FHIT: variants seen among roughly 807,000 people sequenced by gnomAD.
FHIT encodes fragile histidine triad diadenosine triphosphatase.
In FHIT, 19 loss-of-function variants were observed where a neutral mutation model predicts 17.9. The ratio of observed to expected loss-of-function variants is 1.06; its 90% confidence interval spans 0.74 to 1.56. The LOEUF is 1.56. FHIT is among the 40% of genes most tolerant of loss of function. The pLI, the probability that FHIT is intolerant of heterozygous loss-of-function variation, is 0.00. For synonymous variants in FHIT, 81 were observed against 69.7 expected (o/e 1.16, Z -0.81); for missense variants, 248 against 189.2 (o/e 1.31, Z -1.82).
At chr3:61,156,377 C>T (rs377010178) in intron 2 of FHIT, among the ~76,000 whole-genome samples, 1 of 152,070 alleles carries the variant, frequency 6.6e-6, no homozygotes, top group South Asian at 2.1e-4. Context: ...GGGGAGATGC[C>T]AAACTAAGGG....
chr3:59,941,313 T>G (rs1283581728), intron 7 of FHIT, among the ~76,000 whole-genome samples: 1 of 152,192 alleles, frequency 6.6e-6, no homozygotes, highest in African/African-American at 2.4e-5. Flanking sequence ...AGACTTCATA[T>G]GAGCCACAAT....
chr3:60,228,290 T>G (rs1704311761), intron 5 of FHIT, among the ~76,000 whole-genome samples: 1 of 152,104 alleles, frequency 6.6e-6, no homozygotes, highest in African/African-American at 2.4e-5. Context: ...AAATTAGTGG[T>G]TGCCAGGGAC....
chr3:60,995,410 G>A (rs1226571376), intron 3 of FHIT, among the ~76,000 whole-genome samples: 1 of 152,136 alleles, frequency 6.6e-6, no homozygotes, highest in Non-Finnish European at 1.5e-5. Context: ...CCATATGAAA[G>A]TTAACGGGGA....
intron 2 of FHIT, among the ~76,000 whole-genome samples, chr3:61,075,947 G>A (rs1430908609): frequency 6.6e-6 from 1 of 152,144 alleles, no homozygotes; most frequent in Non-Finnish European, 1.5e-5. Flanking sequence ...CCTTTACTGA[G>A]TGCTTCCAAT....
chr3:59,818,918 G>A (rs1446828506), intron 8 of FHIT, among the ~76,000 whole-genome samples: 1 of 152,180 alleles, frequency 6.6e-6, no homozygotes, highest in African/African-American at 2.4e-5. Flanking sequence ...TATGACACTA[G>A]CCCTCGGCTT....
chr3:60,442,905 G>T (rs1161743585), intron 5 of FHIT, among the ~76,000 whole-genome samples: 3 of 152,146 alleles, frequency 2.0e-5, no homozygotes, highest in African/African-American at 7.2e-5. Context: ...CTACCCATGA[G>T]CATGGAATGT....
At chr3:60,203,145 G>C (rs116354296) in intron 5 of FHIT, among the ~76,000 whole-genome samples, 2,990 of 152,226 alleles carry the variant, frequency 0.02, 80 homozygotes, top group African/African-American at 0.068. Context: ...AGTTAAGCAA[G>C]ATGCTAACTA....
intron 5 of FHIT, among the ~76,000 whole-genome samples, chr3:60,361,136 C>G (rs537154132): frequency 6.6e-6 from 1 of 152,168 alleles, no homozygotes; most frequent in African/African-American, 2.4e-5. Flanking sequence ...CCACCAAATA[C>G]CAAGTACTGG....
chr3:61,136,221 GC>G (rs1241604553), intron 2 of FHIT, among the ~76,000 whole-genome samples: 1 of 151,080 alleles, frequency 6.6e-6, no homozygotes, highest in Non-Finnish European at 1.5e-5. Context: ...CCGTCACCAC[GC>G]CCCCACCCCC....
At chr3:61,131,439 T>G (rs2036760748) in intron 2 of FHIT, among the ~76,000 whole-genome samples, 1 of 152,210 alleles carries the variant, frequency 6.6e-6, no homozygotes, top group Admixed American at 6.5e-5. Flanking sequence ...CTCAGCACAC[T>G]CAAGTGAAGG....
At chr3:60,248,884 A>T (rs1705542001) in intron 5 of FHIT, among the ~76,000 whole-genome samples, 1 of 152,158 alleles carries the variant, frequency 6.6e-6, no homozygotes, top group African/African-American at 2.4e-5. Context: ...GGAAAGTCAC[A>T]TTTTTATCAT....
In FHIT at chr3:60,107,781, C is replaced by G. The variant is rs115477511; in HGVS notation, c.104-93629G>C. Among the ~76,000 whole-genome samples the G allele has an allele frequency of 3.6e-3, 546 of 152,276 alleles. 2 individuals carry two copies. The highest frequency in any genetic ancestry group is 0.012 in the African/African-American group (516 of 41,544). On this transcript the variant is annotated intron_variant, in intron 5 of 9. Transcript: ENST00000492590. ...ATCATCTGTTTCTTTCAGGCCTAGT[C>G]TCCATTTTAATTTACTTTAACACTA...
chr3:60,880,854 TAAGAG>T (rs1315169668), intron 3 of FHIT, among the ~76,000 whole-genome samples: 1 of 151,912 alleles, frequency 6.6e-6, no homozygotes, highest in African/African-American at 2.4e-5. Context: ...TGATAAATAA[TAAGAG>T]AAGAAAGAAC....
intron 3 of FHIT, among the ~76,000 whole-genome samples, chr3:60,849,950 C>G (rs1255545895): frequency 6.6e-6 from 1 of 152,096 alleles, no homozygotes; most frequent in Non-Finnish European, 1.5e-5. Flanking sequence ...TCTAATCTCT[C>G]AGGTCAGGCT....
intron 5 of FHIT, among the ~76,000 whole-genome samples, chr3:60,059,084 C>G (rs910753636): frequency 9.2e-5 from 14 of 152,138 alleles, no homozygotes; most frequent in African/African-American, 3.4e-4. Context: ...ACACCCCCAC[C>G]AGGAAAGCCA....
At chr3:60,273,222 G>C (rs188198291) in intron 5 of FHIT, among the ~76,000 whole-genome samples, 81 of 152,272 alleles carry the variant, frequency 5.3e-4, no homozygotes, top group Non-Finnish European at 1.1e-3. Flanking sequence ...CATAAGCATA[G>C]GGTAAAATAA....
chr3:60,008,125 A>T (rs549850524), intron 7 of FHIT, among the ~76,000 whole-genome samples: 1 of 152,326 alleles, frequency 6.6e-6, no homozygotes, highest in South Asian at 2.1e-4. Flanking sequence ...AACAAACAAA[A>T]GACAATGAAG....
intron 2 of FHIT, among the ~76,000 whole-genome samples, chr3:61,112,275 T>G (rs1195488967): frequency 6.6e-6 from 1 of 152,098 alleles, no homozygotes; most frequent in African/African-American, 2.4e-5. Flanking sequence ...TTTTTTTTTT[T>G]TTCTAAAATG....
intron 3 of FHIT, among the ~76,000 whole-genome samples, chr3:60,996,011 A>G (rs963831806): frequency 3.3e-5 from 5 of 152,182 alleles, no homozygotes; most frequent in Non-Finnish European, 5.9e-5. Flanking sequence ...TTCCCAGAAA[A>G]TGAAGTGCTT....
Sources: gnomAD v4.1 joint callset for allele counts (sites outside exome capture counted in the v4.1 genomes callset) on GRCh38, gnomAD v4.1.1 for gene constraint, MANE v1.5 for transcripts, NCBI Gene and HGNC (gene_info 2026-07-23, HGNC 2026-07-21) for gene names.